The following SPOCK3 variants were observed in gnomAD, a reference collection of about 807,000 sequenced individuals.
The protein encoded by SPOCK3 is SPARC (osteonectin), cwcv and kazal like domains proteoglycan 3, also known as testican-3.
In SPOCK3, 30 loss-of-function variants were observed where a neutral mutation model predicts 56.6. The ratio of observed to expected loss-of-function variants is 0.53; its 90% CI spans 0.40 to 0.72. The LOEUF is 0.72. Among genes scored for constraint, SPOCK3 ranks in the 30% least tolerant of loss-of-function variants. The pLI is 0.00. For missense variants in SPOCK3, 527 were observed against 530.0 expected (o/e 0.99, Z 0.06); for synonymous variants, 196 against 183.3 (o/e 1.07, Z -0.56).
intron 2 of SPOCK3, among the ~76,000 whole-genome samples, chr4:167,096,368 T>G (rs1457325557): frequency 6.6e-6 from 1 of 151,986 alleles, no homozygotes; most frequent in Non-Finnish European, 1.5e-5. Flanking sequence ...TTTAGAATTA[T>G]CTTTGATGAC....
At chr4:166,848,458 C>G (rs368284605) in intron 6 of SPOCK3, among the ~76,000 whole-genome samples, 3 of 152,142 alleles carry the variant, frequency 2.0e-5, no homozygotes, top group African/African-American at 7.2e-5. Flanking sequence ...ATATAAAACA[C>G]AATGTAGAGA....
intron 5 of SPOCK3, among the ~76,000 whole-genome samples, chr4:166,908,672 C>A (rs1241305678): frequency 6.6e-6 from 1 of 151,882 alleles, no homozygotes; most frequent in Non-Finnish European, 1.5e-5. Context: ...CCACTGTTGT[C>A]CTCAGGGAAT....
intron 5 of SPOCK3, among the ~76,000 whole-genome samples, chr4:166,891,455 G>A (rs530753318): frequency 4.0e-5 from 6 of 151,694 alleles, no homozygotes; most frequent in South Asian, 4.2e-4. Flanking sequence ...AATTCTTAAC[G>A]AGCCCTGCAA....
chr4:166,839,189 C>T (rs969202666), intron 6 of SPOCK3, among the ~76,000 whole-genome samples: 42 of 152,026 alleles, frequency 2.8e-4, no homozygotes, highest in African/African-American at 9.2e-4. Context: ...AGTCAGAGGG[C>T]CACCATCTCA....
intron 4 of SPOCK3, among the ~76,000 whole-genome samples, chr4:166,997,586 A>T (rs1431312860): frequency 6.6e-6 from 1 of 152,148 alleles, no homozygotes; most frequent in Non-Finnish European, 1.5e-5. Context: ...CTCAAAGAAA[A>T]CATGTACTGA....
chr4:167,074,681 A>G lies in SPOCK3; in HGVS notation c.190-12144T>C, dbSNP rs573790200. ...CTAGCCCAAATTTGAGCACAAAAGC[A>G]TGAATACCAGAATGTAGGGATCATG... On this transcript the variant is annotated intron_variant, in intron 2 of 10. Coordinates refer to ENST00000357545, the MANE Select transcript of SPOCK3 (RefSeq NM_001040159.2). Among the ~76,000 whole-genome samples, 12 of 152,094 alleles carry G rather than the reference A, an allele frequency of 7.9e-5. No homozygotes were observed. The East Asian group carries it at 2.3e-3, about 30-fold the overall frequency.
chr4:167,055,677 C>T (rs181887070), intron 3 of SPOCK3, among the ~76,000 whole-genome samples: 1,745 of 152,318 alleles, frequency 0.011, 20 homozygotes, highest in Non-Finnish European at 0.018. Flanking sequence ...GAGGGTCCTA[C>T]GCCCACGGAG....
At chr4:166,919,205 A>G (rs1351555852) in intron 4 of SPOCK3, among the ~76,000 whole-genome samples, 1 of 152,214 alleles carries the variant, frequency 6.6e-6, no homozygotes, top group Non-Finnish European at 1.5e-5. Flanking sequence ...TATGAGGCCA[A>G]CAAGTATGAT....
At chr4:166,835,588 A>G (rs1195198440) in intron 6 of SPOCK3, among the ~76,000 whole-genome samples, 1 of 152,026 alleles carries the variant, frequency 6.6e-6, no homozygotes, top group Non-Finnish European at 1.5e-5. Context: ...GTTATCTTGT[A>G]TGTTGTTCTG....
At chr4:166,848,121 G>A (rs188864226) in intron 6 of SPOCK3, among the ~76,000 whole-genome samples, 3 of 152,132 alleles carry the variant, frequency 2.0e-5, no homozygotes, top group Non-Finnish European at 4.4e-5. Flanking sequence ...CTTCAGTTTT[G>A]AAGCAGTACA....
intron 6 of SPOCK3, among the ~76,000 whole-genome samples, chr4:166,805,192 T>C (rs1484712786): frequency 2.0e-5 from 3 of 152,022 alleles, no homozygotes; most frequent in African/African-American, 7.2e-5. Context: ...ATTTTCACAA[T>C]AGAAGTACAC....
intron 6 of SPOCK3, among the ~76,000 whole-genome samples, chr4:166,842,504 C>T (rs1350231625): frequency 1.3e-5 from 2 of 152,000 alleles, no homozygotes; most frequent in African/African-American, 2.4e-5. Context: ...CTGATTGGTG[C>T]ATTTACAAAC....
At chr4:167,216,567 G>A (rs1735382349) in intron 2 of SPOCK3, among the ~76,000 whole-genome samples, 1 of 151,990 alleles carries the variant, frequency 6.6e-6, no homozygotes, top group African/African-American at 2.4e-5. Context: ...CGATTTGATT[G>A]GGAACGCTGA....
chr4:166,966,341 G>A (rs575701963), intron 4 of SPOCK3, among the ~76,000 whole-genome samples: 59 of 151,624 alleles, frequency 3.9e-4, no homozygotes, highest in Middle Eastern at 6.8e-3. Flanking sequence ...AATAACCATG[G>A]CTTTCTTTCA....
At chr4:166,748,165 C>T (rs1168107033) in intron 8 of SPOCK3, among the ~76,000 whole-genome samples, 1 of 139,208 alleles carries the variant, frequency 7.2e-6, no homozygotes, top group Non-Finnish European at 1.5e-5. Flanking sequence ...CAAAAAAGAG[C>T]CTGCATTGCC....
At chr4:166,959,005 T>C (rs1743829271) in intron 4 of SPOCK3, among the ~76,000 whole-genome samples, 2 of 152,150 alleles carry the variant, frequency 1.3e-5, no homozygotes, top group Admixed American at 6.5e-5. Flanking sequence ...TTATATTCAA[T>C]GAAAACTAGT....
intron 2 of SPOCK3, among the ~76,000 whole-genome samples, chr4:167,129,261 A>G (rs1352538629): frequency 6.6e-6 from 1 of 152,234 alleles, no homozygotes; most frequent in Non-Finnish European, 1.5e-5. Flanking sequence ...ATCCCATTAC[A>G]TGAATCAGAT....
intron 4 of SPOCK3, among the ~76,000 whole-genome samples, chr4:166,947,574 C>A (rs1478033828): frequency 6.6e-6 from 1 of 152,058 alleles, no homozygotes; most frequent in Non-Finnish European, 1.5e-5. Flanking sequence ...ATTCCAATTA[C>A]AGTATCATTG....
chr4:167,204,275 A>G (rs1295219914), intron 2 of SPOCK3, among the ~76,000 whole-genome samples: 1 of 152,076 alleles, frequency 6.6e-6, no homozygotes, highest in Non-Finnish European at 1.5e-5. Flanking sequence ...CAAAACAACA[A>G]AGAAAAAACT....
Sources: allele counts gnomAD v4.1 joint callset (sites outside exome capture counted in the v4.1 genomes callset), GRCh38; gene constraint gnomAD v4.1.1; transcripts MANE v1.5; gene names NCBI Gene and HGNC (gene_info 2026-07-23, HGNC 2026-07-21).